The following PTCD1 variants were observed in gnomAD, a reference collection of about 807,000 sequenced individuals.
The protein encoded by PTCD1 is pentatricopeptide repeat domain 1, also known as pentatricopeptide repeat-containing protein 1, mitochondrial.
A neutral mutation model predicts 53.4 loss-of-function variants in PTCD1; 50 were observed. That is an observed-to-expected ratio of 0.94 (90% confidence interval 0.75 to 1.19). PTCD1 has a LOEUF of 1.19. PTCD1 is among the 50% of genes most tolerant of loss of function. The probability of loss-of-function intolerance (pLI) is 0.00; values close to 1 mark genes in which losing one functional copy is unlikely to be tolerated. For synonymous variants in PTCD1, 413 were observed against 394.8 expected (o/e 1.05, Z -0.55); for missense variants, 918 against 904.8 (o/e 1.01, Z -0.19).
At chr7:99,424,645 G>T in intron 6 of PTCD1, 150 bp downstream of exon 6, 1 of 1,085,806 alleles carries the variant, frequency 9.2e-7, no homozygotes, top group Non-Finnish European at 1.3e-6. Context: ...TGGGACCAAA[G>T]ACCAGAAGGT....
chr7:99,428,402 CAA>C (rs531899998), intron 5 of PTCD1, among the ~76,000 whole-genome samples: 15 of 54,960 alleles, frequency 2.7e-4, no homozygotes, highest in Admixed American at 4.4e-4. Context: ...GACTCCATCT[CAA>C]AAAAAAAAAA....
chr7:99,420,872 G>A (rs915145311), intron 7 of PTCD1, among the ~76,000 whole-genome samples: 2 of 152,050 alleles, frequency 1.3e-5, no homozygotes, highest in Non-Finnish European at 2.9e-5. Context: ...GCTTGAACCC[G>A]GGAGGCAGAG....
intron 5 of PTCD1, among the ~76,000 whole-genome samples, 169 bp from the exon 6 acceptor site, chr7:99,425,785 CGCCAGGCGCGGT>C (rs1402822703): frequency 6.6e-6 from 1 of 152,114 alleles, no homozygotes; most frequent in Non-Finnish European, 1.5e-5. Flanking sequence ...CAAAAAAATA[CGCCAGGCGCGGT>C]GGCTCACGCC....
chr7:99,425,740 G>T, intron 5 of PTCD1, 124 bp from the exon 6 acceptor site: 1 of 1,320,378 alleles, frequency 7.6e-7, no homozygotes, highest in Non-Finnish European at 1.1e-6. Context: ...TCAGGAGTTC[G>T]AGACAAGACC....
At chr7:99,426,845 A>G (rs1232454212) in intron 5 of PTCD1, among the ~76,000 whole-genome samples, 112 of 144,338 alleles carry the variant, frequency 7.8e-4, no homozygotes, top group Non-Finnish European at 1.4e-3. Context: ...CTGGGATGTG[A>G]GGAGCGCCTC....
In PTCD1 at chr7:99,426,166, C is replaced by T. The variant is rs1584457375; in HGVS notation, c.916-550G>A. 2.0e-4 allele frequency among the ~76,000 whole-genome samples: 28 copies of T among 138,880 alleles called. No individual in the cohort carries two copies. The South Asian group carries it at 6.1e-3, about 30-fold the overall frequency. The allele number at this position is 138,880 out of a possible 152,430, so 91.1% of individuals were successfully genotyped here. Reference sequence around the variant, plus strand: ...TCTCCCTCTCCCTCTCCCTCTCCCTCTCCCCACGGTCTCCCTCTCCCTCTC... The same window carrying T: ...TCTCCCTCTCCCTCTCCCTCTCCCTTTCCCCACGGTCTCCCTCTCCCTCTC... On this transcript the variant is annotated intron_variant, in intron 5 of 7. Transcript: ENST00000292478.
intron 1 of PTCD1, 131 bp downstream of exon 1, chr7:99,438,561 A>G: frequency 2.7e-6 from 3 of 1,128,802 alleles, no homozygotes; most frequent in Non-Finnish European, 3.3e-6. Flanking sequence ...CCCTCTCCAC[A>G]CGGACTTCTG....
Position 99,420,010 on chromosome 7 carries a change from G to A in PTCD1, c.2060C>T (p.Thr687Ile). ...ACATCCGTCATCAGCCTCCTTGCCG[G>A]TGTCCTGGTCCCCCTGGGGCTTGGT... ...FRTKPQGDQDTGKEADDGCAL... is the reference protein window; with the variant it reads ...FRTKPQGDQDIGKEADDGCAL... Residue 687 changes from threonine to isoleucine, a missense_variant, in exon 8 of 8, where the codon ACC becomes ATC. Thr to Ile is a moderately conservative substitution (Grantham distance 89). Coordinates refer to ENST00000292478, the MANE Select transcript of PTCD1 (RefSeq NM_015545.4). The A allele has an allele frequency of 6.2e-7, 1 of 1,614,228 alleles. No individual in the cohort carries two copies. Among genetic ancestry groups the A allele is most frequent in the Non-Finnish European group, 8.5e-7 (1 of 1,180,022 alleles).
At position 99,417,845 on chromosome 7, in the gene PTCD1, A is replaced by C. The variant is rs1257924690; in HGVS notation, c.*2122T>G. The C allele has an allele frequency of 7.0e-7, 1 of 1,437,478 alleles. No homozygotes were observed. The highest frequency in any genetic ancestry group is 9.1e-7 in the Non-Finnish European group (1 of 1,094,518). The allele number at this position is 1,437,478 out of a possible 1,614,324, so 89.0% of individuals were successfully genotyped here. A position where few individuals can be genotyped will look rare whatever the true frequency, so the allele number is the denominator to read the frequency against. ...GGCAAATTACTGAACCCCTTTCCTC[A>C]CTTAGGAAATGGTGGTGGGGAGCCC... On this transcript the variant is annotated 3_prime_UTR_variant, in exon 8 of 8. Coordinates refer to ENST00000292478, the MANE Select transcript of PTCD1 (RefSeq NM_015545.4).
At position 99,429,151 on chromosome 7, in the gene PTCD1, G is replaced by A. The variant is rs1378326926; in HGVS notation, c.867C>T (p.Leu289=). 4 of 1,614,186 alleles carry A rather than the reference G, an allele frequency of 2.5e-6. No individual in the cohort carries two copies. The highest frequency in any genetic ancestry group is 2.5e-6 in the Non-Finnish European group (3 of 1,180,026). Residue 289 remains leucine (L), a synonymous_variant, in exon 5 of 8, where the codon CTC becomes CTT. Transcript: ENST00000292478. ...TCTTCTTGTCTTGGATGCAGCCCAT[G>A]AGCAGGAAACTGAAGGTCTCCTCTG... ...VVTEETFSFL[L]MGCIQDKKTG...
chr7:99,417,784 T>G lies in PTCD1; in HGVS notation c.*2183A>C, dbSNP rs1280806027. ...TGTGAGGCAGCGTGTGGCTGTGTGT[T>G]TGTTAGGTCTGGGGTCAATCTCAAC... On this transcript the variant is annotated 3_prime_UTR_variant, in exon 8 of 8. Coordinates refer to ENST00000292478, the MANE Select transcript of PTCD1 (RefSeq NM_015545.4). 6.5e-7 allele frequency: 1 copy of G among 1,529,020 alleles called. No homozygotes were observed. Among genetic ancestry groups the G allele is most frequent in the Non-Finnish European group, 8.7e-7 (1 of 1,143,530 alleles). The allele number at this position is 1,529,020 out of a possible 1,614,324, so 94.7% of individuals were successfully genotyped here. A position where few individuals can be genotyped will look rare whatever the true frequency, so the allele number is the denominator to read the frequency against.
At chr7:99,432,423 CA>C (rs921432114) in intron 3 of PTCD1, among the ~76,000 whole-genome samples, 6 of 152,222 alleles carry the variant, frequency 3.9e-5, no homozygotes, top group Admixed American at 6.5e-5. Context: ...CATCAAAGCA[CA>C]GCACCCTTCC....
Position 99,418,021 on chromosome 7 carries a change from G to A in PTCD1, c.*1946C>T, listed in dbSNP as rs1795603038. The A allele has an allele frequency of 1.8e-6, 2 of 1,141,774 alleles. No individual in the cohort carries two copies. Among genetic ancestry groups the A allele is most frequent in the Non-Finnish European group, 2.2e-6 (2 of 919,658 alleles). 70.7% of individuals were successfully genotyped at this position (1,141,774 alleles called of 1,614,324 possible). A position where few individuals can be genotyped will look rare whatever the true frequency, so the allele number is the denominator to read the frequency against. On this transcript the variant is annotated 3_prime_UTR_variant, in exon 8 of 8. Coordinates refer to ENST00000292478, the MANE Select transcript of PTCD1 (RefSeq NM_015545.4). ...CTTGCTTTGTCGCCCAGGCTGGAGT[G>A]CAGTGATGCCATCTTGGCTCACTGC...
At position 99,419,835 on chromosome 7, in the gene PTCD1, A is replaced by G. The variant is rs562360224; in HGVS notation, c.*132T>C. On this transcript the variant is annotated 3_prime_UTR_variant, in exon 8 of 8. Coordinates refer to ENST00000292478, the MANE Select transcript of PTCD1 (RefSeq NM_015545.4). ...TTGGGCCTAGTGTGTGTCCTCACCA[A>G]CACCTGTGACACGCTGCGGCTGTTC... 6.7e-7 allele frequency: 1 copy of G among 1,492,870 alleles called. No individual in the cohort carries two copies. The highest frequency in any genetic ancestry group is 1.4e-5 in the African/African-American group (1 of 72,762). The allele number at this position is 1,492,870 out of a possible 1,614,324, so 92.5% of individuals were successfully genotyped here.
chr7:99,418,701 A>G lies in PTCD1; in HGVS notation c.*1266T>C, dbSNP rs1004387. ...AAGCCCCCTTCCTCTGAGTGCCCAG[A>G]TTCCACAAGGAGTCCAGGTCAGGGG... On this transcript the variant is annotated 3_prime_UTR_variant, in exon 8 of 8. Transcript: ENST00000292478. 2,060 of 152,534 alleles carry G rather than the reference A, an allele frequency of 0.014. 22 individuals carry two copies. Among genetic ancestry groups the G allele is most frequent in the Non-Finnish European group, 0.019 (1,310 of 68,214 alleles). The allele number at this position is 152,534 out of a possible 1,614,324, so 9.4% of individuals were successfully genotyped here.
intron 7 of PTCD1, among the ~76,000 whole-genome samples, chr7:99,420,942 A>G (rs887147686): frequency 6.6e-6 from 1 of 150,984 alleles, no homozygotes; most frequent in Non-Finnish European, 1.5e-5. Context: ...GCAAGACTCC[A>G]TCTCAAAAAA....
At chr7:99,437,919 A>G (rs1310009680) in intron 1 of PTCD1, among the ~76,000 whole-genome samples, 2 of 151,090 alleles carry the variant, frequency 1.3e-5, no homozygotes, top group Non-Finnish European at 2.9e-5. Context: ...CTCGCCTCAG[A>G]CTCCCAAAGT....
chr7:99,417,443 T>C lies in PTCD1; in HGVS notation c.*2524A>G. On this transcript the variant is annotated 3_prime_UTR_variant, in exon 8 of 8. Coordinates refer to ENST00000292478, the MANE Select transcript of PTCD1 (RefSeq NM_015545.4). ...CTTTTTGACAGAACTCTATGAATAT[T>C]GTATTAAAGAAGGCTATGCAGACAA... The C allele has an allele frequency of 1.9e-6, 3 of 1,613,934 alleles. No individual in the cohort carries two copies. Among genetic ancestry groups the C allele is most frequent in the Non-Finnish European group, 2.5e-6 (3 of 1,179,932 alleles).
At position 99,424,817 on chromosome 7, in the gene PTCD1, A is replaced by G; in HGVS notation, c.1715T>C (p.Leu572Pro). The G allele has an allele frequency of 6.2e-7, 1 of 1,614,226 alleles. No homozygotes were observed. Among genetic ancestry groups the G allele is most frequent in the South Asian group, 1.1e-5 (1 of 91,088 alleles). The change falls in exon 6 of 8, where the codon CTA (leucine) becomes CCA (proline). Residue 572 changes from leucine to proline, a missense_variant. By Grantham distance (98) the Leu-to-Pro change is moderately conservative. Transcript: ENST00000292478. ...CACCTTCATGTCTGTGAGAAGCTGT[A>G]GACCGTCCTTCGGCCTGTGGCACCC... is the stretch of plus-strand genomic sequence containing the variant. ...AIGCHRPKDG[L>P]QLLTDMKKSQ...
Sources: allele counts gnomAD v4.1 joint callset (sites outside exome capture counted in the v4.1 genomes callset), GRCh38; gene constraint gnomAD v4.1.1; transcripts MANE v1.5; gene names NCBI Gene and HGNC (gene_info 2026-07-23, HGNC 2026-07-21).